The following PRELID2 variants were observed in gnomAD, a reference collection of about 807,000 sequenced individuals.
PRELID2 encodes the protein PRELI domain-containing protein 2.
PRELID2 carries 25 observed loss-of-function variants against 28.4 expected under a neutral mutation model. That is an observed-to-expected ratio of 0.88 (90% confidence interval 0.64 to 1.23). The LOEUF is 1.23. Among genes scored for constraint, PRELID2 ranks in the 50% most tolerant of loss-of-function variants. The probability of loss-of-function intolerance (pLI) is 0.00; values close to 1 mark genes in which losing one functional copy is unlikely to be tolerated. For synonymous variants in PRELID2, 76 were observed against 71.6 expected (o/e 1.06, Z -0.31); for missense variants, 201 against 214.4 (o/e 0.94, Z 0.39).
At chr5:145,639,582 A>T (rs2149663124) in intron 1 of PRELID2, among the ~76,000 whole-genome samples, 1 of 152,166 alleles carries the variant, frequency 6.6e-6, no homozygotes, top group East Asian at 1.9e-4. Flanking sequence ...ATAGTACCTC[A>T]ATGTCATATT....
At chr5:145,421,411 G>T in the PRELID2 span, among the ~76,000 whole-genome samples, 1,934 of 150,310 alleles carry the variant, frequency 0.013, 33 homozygotes, top group African/African-American at 0.044. Context: ...CAATTTCAGA[G>T]CCTGTTATTG....
Position 145,793,097 on chromosome 5 carries a change from C to T in PRELID2, c.474+3345G>A, listed in dbSNP as rs779169356. Among the ~76,000 whole-genome samples, 150 of 152,204 alleles carry T rather than the reference C, an allele frequency of 9.9e-4. 1 individual carries two copies. The highest frequency in any genetic ancestry group is 1.6e-3 in the Non-Finnish European group (112 of 68,006). On this transcript the variant is annotated intron_variant, in intron 5 of 6. Transcript: ENST00000683046. ...TTCCACTCCAGGAGGAAGGAGGGGTCTGACTGGTGTGTGAAAAGTCAGCAT... is the reference window on the plus strand; with the variant it reads ...TTCCACTCCAGGAGGAAGGAGGGGTTTGACTGGTGTGTGAAAAGTCAGCAT...
intron 1 of PRELID2, among the ~76,000 whole-genome samples, chr5:145,699,902 G>A (rs1755368688): frequency 1.3e-5 from 2 of 152,052 alleles, no homozygotes; most frequent in Admixed American, 1.3e-4. Flanking sequence ...TGGTTTCCTG[G>A]TCCCAAAGGG....
At chr5:145,679,531 G>A (rs189546559) in intron 1 of PRELID2, among the ~76,000 whole-genome samples, 1 of 152,052 alleles carries the variant, frequency 6.6e-6, no homozygotes, top group African/African-American at 2.4e-5. Context: ...GTCTTTGCTT[G>A]CTAGGATACA....
chr5:145,493,149 T>C (rs1752282007), intron 1 of PRELID2, among the ~76,000 whole-genome samples: 1 of 142,274 alleles, frequency 7.0e-6, no homozygotes, highest in African/African-American at 2.5e-5. Flanking sequence ...TTTTCATATG[T>C]GGGTAGTTGT....
chr5:145,796,487 A>G lies in PRELID2; in HGVS notation c.429T>C (p.Val143=), dbSNP rs748350082. The G allele has an allele frequency of 1.9e-6, 3 of 1,610,710 alleles. No homozygotes were observed. In the African/African-American group the frequency reaches 4.0e-5, roughly 22 times the overall value. ...SITGVGFLNC[V]LETFASTFLR... ...AGAATGTGCTGGCAAAAGTTTCTAA[A>G]ACACAGTTGAGAAATCCAACCCCTG... Residue 143 remains valine, a synonymous_variant, in exon 5 of 7, where the codon GTT becomes GTC. Transcript: ENST00000683046.
At chr5:145,730,579 C>T (rs2149725950) in intron 1 of PRELID2, among the ~76,000 whole-genome samples, 1 of 152,260 alleles carries the variant, frequency 6.6e-6, no homozygotes, top group East Asian at 1.9e-4. Flanking sequence ...GTGAGTGAGC[C>T]TAGATAACTA....
At chr5:145,250,598 A>AT in the PRELID2 span, among the ~76,000 whole-genome samples, 49 of 152,278 alleles carry the variant, frequency 3.2e-4, no homozygotes, top group Non-Finnish European at 5.3e-4. Flanking sequence ...CAAGAGACTT[A>AT]GATAGATGGT....
chr5:145,303,511 G>C, the PRELID2 span, among the ~76,000 whole-genome samples: 2 of 152,170 alleles, frequency 1.3e-5, no homozygotes, highest in African/African-American at 4.8e-5. Flanking sequence ...GTAGGCTCCA[G>C]GCTGGGAATC....
the PRELID2 span, among the ~76,000 whole-genome samples, chr5:145,463,901 T>C: frequency 6.6e-6 from 1 of 152,146 alleles, no homozygotes; most frequent in Non-Finnish European, 1.5e-5. Flanking sequence ...ACCAAAGCTT[T>C]TATACACATT....
At chr5:145,306,173 C>G in the PRELID2 span, among the ~76,000 whole-genome samples, 1 of 152,068 alleles carries the variant, frequency 6.6e-6, no homozygotes, top group Non-Finnish European at 1.5e-5. Context: ...ACAAAAATGA[C>G]TTATGGAGTT....
chr5:145,270,730 T>C, the PRELID2 span, among the ~76,000 whole-genome samples: 1 of 152,128 alleles, frequency 6.6e-6, no homozygotes, highest in Non-Finnish European at 1.5e-5. Context: ...AATGTCCTAT[T>C]ACTTAATAGG....
At chr5:145,261,090 C>T in the PRELID2 span, among the ~76,000 whole-genome samples, 2 of 152,232 alleles carry the variant, frequency 1.3e-5, no homozygotes, top group African/African-American at 4.8e-5. Context: ...GCAGAGGCAG[C>T]TATAATCCAC....
chr5:145,641,237 A>T (rs985541900), intron 1 of PRELID2, among the ~76,000 whole-genome samples: 15 of 152,192 alleles, frequency 9.9e-5, no homozygotes, highest in African/African-American at 3.4e-4. Context: ...GGAAGAAGAT[A>T]TTTGTAATAT....
the PRELID2 span, among the ~76,000 whole-genome samples, chr5:145,245,916 G>GT: frequency 2.3e-4 from 35 of 150,672 alleles, no homozygotes; most frequent in African/African-American, 5.1e-4. Flanking sequence ...TTTTGTTTTT[G>GT]TTTTTTTTTA....
chr5:145,713,369 T>TATATATATATATATATAC (rs1334656798), intron 1 of PRELID2, among the ~76,000 whole-genome samples: 4 of 144,648 alleles, frequency 2.8e-5, no homozygotes, highest in African/African-American at 1.0e-4. Context: ...TATATATATA[T>TATATATATATATATATAC]ACTTTACATT....
the PRELID2 span, among the ~76,000 whole-genome samples, chr5:145,393,791 G>T: frequency 5.9e-5 from 9 of 152,136 alleles, no homozygotes; most frequent in African/African-American, 2.2e-4. Flanking sequence ...AAAATTTTAG[G>T]CCAAATTTAA....
chr5:145,620,294 G>T (rs1753756498), intron 1 of PRELID2, among the ~76,000 whole-genome samples: 1 of 152,146 alleles, frequency 6.6e-6, no homozygotes, highest in Non-Finnish European at 1.5e-5. Context: ...AAAGCAAAGA[G>T]ATCTACAAGC....
At chr5:145,740,287 TATA>T (rs1305024363) in intron 1 of PRELID2, among the ~76,000 whole-genome samples, 2 of 78,090 alleles carry the variant, frequency 2.6e-5, no homozygotes, top group Admixed American at 2.4e-4. Flanking sequence ...TATATATATA[TATA>T]TATATATATA....
Sources: allele counts gnomAD v4.1 joint callset (sites outside exome capture counted in the v4.1 genomes callset), GRCh38; gene constraint gnomAD v4.1.1; transcripts MANE v1.5; gene names NCBI Gene and HGNC (gene_info 2026-07-23, HGNC 2026-07-21).